Variants in PLXNA4 observed in about 807,000 individuals in gnomAD.
The protein encoded by PLXNA4 is plexin-A4.
PLXNA4 carries 44 observed loss-of-function variants against 191.8 expected under a neutral mutation model. The observed-to-expected ratio is 0.23, with a 90% CI of 0.18 to 0.29. The LOEUF (loss-of-function observed/expected upper bound fraction) is 0.29, where lower values mean the gene tolerates loss of function less well. Among genes scored for constraint, PLXNA4 ranks in the 10% least tolerant of loss-of-function variants. The probability of loss-of-function intolerance (pLI) is 1.00; values close to 1 mark genes in which losing one functional copy is unlikely to be tolerated. For missense variants in PLXNA4, 1,800 were observed against 2,488.8 expected (o/e 0.72, Z 5.89); for synonymous variants, 1,082 against 1,009.5 (o/e 1.07, Z -1.36).
At chr7:132,412,257 C>A (rs1000058) in intron 3 of PLXNA4, among the ~76,000 whole-genome samples, 9,837 of 152,266 alleles carry the variant, frequency 0.065, 404 homozygotes, top group South Asian at 0.11. Flanking sequence ...TTTGGCATAT[C>A]TCCCCCTCCA....
chr7:132,143,106 G>A (rs1232929928), intron 29 of PLXNA4, among the ~76,000 whole-genome samples: 1 of 152,208 alleles, frequency 6.6e-6, no homozygotes, highest in Non-Finnish European at 1.5e-5. Flanking sequence ...TGTGGAAGAA[G>A]GGGGTGGGGA....
At chr7:132,387,011 T>C (rs181812524) in intron 3 of PLXNA4, among the ~76,000 whole-genome samples, 4 of 152,348 alleles carry the variant, frequency 2.6e-5, no homozygotes, top group Admixed American at 2.0e-4. Context: ...TACAAATGCA[T>C]TGAGTATGTG....
intron 4 of PLXNA4, among the ~76,000 whole-genome samples, chr7:132,276,447 CT>C (rs1326641765): frequency 1.3e-5 from 2 of 152,152 alleles, no homozygotes; most frequent in African/African-American, 4.8e-5. Context: ...ATGACCCCCC[CT>C]TTCCCACCCT....
chr7:132,287,650 G>A (rs1800732841), intron 4 of PLXNA4, among the ~76,000 whole-genome samples: 1 of 152,136 alleles, frequency 6.6e-6, no homozygotes, highest in Non-Finnish European at 1.5e-5. Context: ...CCACTGTGGT[G>A]ATCATACTCA....
intron 3 of PLXNA4, among the ~76,000 whole-genome samples, chr7:132,474,257 C>T (rs1490212891): frequency 2.2e-5 from 3 of 135,480 alleles, no homozygotes; most frequent in African/African-American, 5.4e-5. Context: ...CACACACACA[C>T]ATGCACACAC....
At chr7:132,381,617 T>C (rs976868100) in intron 3 of PLXNA4, among the ~76,000 whole-genome samples, 2 of 152,194 alleles carry the variant, frequency 1.3e-5, no homozygotes, top group African/African-American at 4.8e-5. Flanking sequence ...ACATCTGGCA[T>C]GGATATTAAT....
chr7:132,615,975 G>T (rs1040075923), intron 2 of PLXNA4, among the ~76,000 whole-genome samples: 4 of 40,204 alleles, frequency 9.9e-5, no homozygotes, highest in Admixed American at 2.7e-4. Context: ...ATTCCCCACC[G>T]CCTGCTTTCG....
intron 3 of PLXNA4, among the ~76,000 whole-genome samples, chr7:132,403,053 CT>C (rs1794060719): frequency 6.6e-6 from 1 of 152,242 alleles, no homozygotes; most frequent in South Asian, 2.1e-4. Context: ...CCTTGGCTCT[CT>C]GTGTGGTTCA....
chr7:132,448,655 T>A (rs1052064444), intron 3 of PLXNA4, among the ~76,000 whole-genome samples: 1 of 152,214 alleles, frequency 6.6e-6, no homozygotes, highest in Non-Finnish European at 1.5e-5. Context: ...TGCAGCTATA[T>A]GTTATTTCTT....
intron 4 of PLXNA4, 109 bp downstream of exon 4, chr7:132,297,982 C>T (rs1563019656): frequency 1.4e-6 from 2 of 1,422,708 alleles, no homozygotes; most frequent in Non-Finnish European, 2.0e-6. Context: ...CATACTACGC[C>T]AAATAAATCA....
rs191213882 is a variant in PLXNA4, at chr7:132,524,101, C to T, written c.-86-15322G>A. 1.7e-3 allele frequency among the ~76,000 whole-genome samples: 261 copies of T among 152,230 alleles called. 2 individuals carry two copies. The highest frequency in any genetic ancestry group is 3.0e-3 in the Non-Finnish European group (203 of 67,992). On this transcript the variant is annotated intron_variant, in intron 1 of 31. Coordinates refer to ENST00000321063, the MANE Select transcript of PLXNA4 (RefSeq NM_020911.2). ...ACAAGCTGATTCTCAATAACTACAA[C>T]GAAGTGAGGCTAAGATATCAACCTA...
At chr7:132,348,299 C>T (rs1345804417) in intron 3 of PLXNA4, among the ~76,000 whole-genome samples, 1 of 152,112 alleles carries the variant, frequency 6.6e-6, no homozygotes, top group Non-Finnish European at 1.5e-5. Context: ...ACAATACCTA[C>T]CTCCTAGGGT....
At chr7:132,361,340 C>A (rs1207579646) in intron 3 of PLXNA4, among the ~76,000 whole-genome samples, 1 of 152,114 alleles carries the variant, frequency 6.6e-6, no homozygotes, top group Non-Finnish European at 1.5e-5. Context: ...ACGTGTTGTG[C>A]TGTAGGTACC....
intron 2 of PLXNA4, among the ~76,000 whole-genome samples, chr7:132,610,875 G>A (rs1421002547): frequency 6.6e-6 from 1 of 152,218 alleles, no homozygotes; most frequent in Non-Finnish European, 1.5e-5. Flanking sequence ...GAGGAGCAGA[G>A]GTTTGCCACT....
At chr7:132,637,346 T>A (rs1803629454) in intron 2 of PLXNA4, among the ~76,000 whole-genome samples, 1 of 152,202 alleles carries the variant, frequency 6.6e-6, no homozygotes, top group African/African-American at 2.4e-5. Flanking sequence ...GGTCTCTGAA[T>A]CTGCAGCTGT....
At chr7:132,608,749 G>C (rs936564399) in intron 2 of PLXNA4, among the ~76,000 whole-genome samples, 1 of 151,856 alleles carries the variant, frequency 6.6e-6, no homozygotes, top group African/African-American at 2.4e-5. Context: ...CTTGCCTCTC[G>C]TGGTCCATTC....
intron 3 of PLXNA4, among the ~76,000 whole-genome samples, chr7:132,304,316 C>T (rs1333978107): frequency 6.6e-6 from 1 of 152,050 alleles, no homozygotes. Flanking sequence ...CCTCAGCCCC[C>T]GTAGATAGTT....
chr7:132,458,662 G>T (rs1382759058), intron 3 of PLXNA4, among the ~76,000 whole-genome samples: 3 of 151,852 alleles, frequency 2.0e-5, no homozygotes, highest in African/African-American at 7.3e-5. Flanking sequence ...TCCCTGGTGG[G>T]AGGGAACAGA....
intron 3 of PLXNA4, among the ~76,000 whole-genome samples, chr7:132,389,585 T>C (rs1246618840): frequency 2.0e-5 from 3 of 152,190 alleles, no homozygotes; most frequent in Non-Finnish European, 4.4e-5. Context: ...TGTAGATGTG[T>C]GGAATTGTTT....
Sources: allele counts gnomAD v4.1 joint callset (sites outside exome capture counted in the v4.1 genomes callset), GRCh38; gene constraint gnomAD v4.1.1; transcripts MANE v1.5; gene names NCBI Gene and HGNC (gene_info 2026-07-23, HGNC 2026-07-21).